Variants in FMO5 observed in about 807,000 individuals in gnomAD.
The protein encoded by FMO5 is flavin-containing monooxygenase 5.
A neutral mutation model predicts 43.6 loss-of-function variants in FMO5; 51 were observed. The ratio of observed to expected loss-of-function variants is 1.17; its 90% CI spans 0.93 to 1.48. The LOEUF (loss-of-function observed/expected upper bound fraction) is 1.48, where lower values mean the gene tolerates loss of function less well. Among genes scored for constraint, FMO5 ranks in the 40% most tolerant of loss-of-function variants. FMO5 has a pLI of 0.00. For synonymous variants in FMO5, 187 were observed against 216.5 expected (o/e 0.86, Z 1.20); for missense variants, 644 against 643.0 (o/e 1.00, Z -0.02).
In FMO5 at chr1:147,223,356, A is replaced by G. The variant is rs1191789932; in HGVS notation, c.135+1539T>C. ...GATTGTCACATAAAATTAGTCCCCA[A>G]AACAGAGTCAGGGTGCAAAAGGATT... On this transcript the variant is annotated intron_variant, in intron 2 of 8. Coordinates refer to ENST00000254090, the MANE Select transcript of FMO5 (RefSeq NM_001461.4). Among the ~76,000 whole-genome samples, 5 of 152,258 alleles carry G rather than the reference A, an allele frequency of 3.3e-5. 1 individual carries two copies. Among genetic ancestry groups the G allele is most frequent in the Admixed American group, 3.3e-4 (5 of 15,292 alleles).
Position 147,225,301 on chromosome 1 carries a change from C to G in FMO5, c.-52G>C. 1.6e-6 allele frequency: 1 copy of G among 643,466 alleles called. No individual in the cohort carries two copies. Among genetic ancestry groups the G allele is most frequent in the Non-Finnish European group, 2.4e-6 (1 of 425,324 alleles). The allele number at this position is 643,466 out of a possible 1,614,324, so 39.9% of individuals were successfully genotyped here. On this transcript the variant is annotated 5_prime_UTR_variant, in exon 1 of 9. Coordinates refer to ENST00000254090, the MANE Select transcript of FMO5 (RefSeq NM_001461.4). ...CCGGATCTCACCGCCTTTCCTGAAG[C>G]GCTCAACAGATCCTTCAGCTGCGAT...
At position 147,209,035 on chromosome 1, in the gene FMO5, C is replaced by A; in HGVS notation, c.647G>T (p.Arg216Met). The A allele has an allele frequency of 6.2e-7, 1 of 1,613,970 alleles. No homozygotes were observed. Among genetic ancestry groups the A allele is most frequent in the Non-Finnish European group, 8.5e-7 (1 of 1,179,916 alleles). ...QTAKQVFLSTRRGAWILNRVG... is the reference protein window; with the variant it reads ...QTAKQVFLSTMRGAWILNRVG... ...ACGATTCAGGATCCAAGCCCCTCTC[C>A]TGGTGCTGAGGAAAACCTGGGGCAT... Residue 216 changes from arginine (R) to methionine (M), a missense_variant, in exon 6 of 9, where the codon AGG (arginine) becomes ATG (methionine). Arg to Met is a moderately conservative substitution (Grantham distance 91, BLOSUM62 -1). Coordinates refer to ENST00000254090, the MANE Select transcript of FMO5 (RefSeq NM_001461.4).
At chr1:147,200,722 T>TA (rs1658825386) in intron 7 of FMO5, among the ~76,000 whole-genome samples, 2 of 152,136 alleles carry the variant, frequency 1.3e-5, no homozygotes, top group African/African-American at 4.8e-5. Context: ...TCGGCCGAAA[T>TA]AAAGTCATAC....
intron 6 of FMO5, chr1:147,203,244 C>G: frequency 8.4e-7 from 1 of 1,190,750 alleles, no homozygotes; most frequent in South Asian, 1.3e-5. Flanking sequence ...ACAAATACAG[C>G]CTTCACCTAC....
Position 147,190,159 on chromosome 1 carries a change from C to T in FMO5, c.1256+18G>A, listed in dbSNP as rs782737560. On this transcript the variant is annotated intron_variant, in intron 8 of 8. Transcript: ENST00000254090. ...AAGTAGAAATGTAACCATATATCTT[C>T]CTGGGAGAGTTTCTTACCTTTTGTC... The T allele has an allele frequency of 1.3e-6, 2 of 1,538,604 alleles. No individual in the cohort carries two copies. Among genetic ancestry groups the T allele is most frequent in the African/African-American group, 1.4e-5 (1 of 73,064 alleles).
chr1:147,189,258 G>A (rs1321730437), intron 8 of FMO5, among the ~76,000 whole-genome samples: 1 of 144,716 alleles, frequency 6.9e-6, no homozygotes, highest in Non-Finnish European at 1.5e-5. Context: ...GAGTGACAGA[G>A]TGAGACTCCG....
At chr1:147,194,737 T>C (rs1446036423) in intron 7 of FMO5, among the ~76,000 whole-genome samples, 1 of 151,866 alleles carries the variant, frequency 6.6e-6, no homozygotes, top group Admixed American at 6.6e-5. Context: ...TGCTTGTCTG[T>C]AAAGTATTTT....
intron 6 of FMO5, among the ~76,000 whole-genome samples, chr1:147,208,028 C>T (rs1274697063): frequency 1.3e-5 from 2 of 152,106 alleles, no homozygotes; most frequent in African/African-American, 4.8e-5. Context: ...TTGCATAGAC[C>T]TCCTCACTGT....
At chr1:147,204,147 C>T in intron 6 of FMO5, 2 of 1,077,604 alleles carry the variant, frequency 1.9e-6, no homozygotes, top group South Asian at 2.5e-5. Flanking sequence ...ATCAATTCTT[C>T]ATCAGTCTTT....
In FMO5 at chr1:147,187,688, G is replaced by T. The variant is rs190941683; in HGVS notation, c.1257-443C>A. Among the ~76,000 whole-genome samples, 3 of 152,304 alleles carry T rather than the reference G, an allele frequency of 2.0e-5. No homozygotes were observed. The East Asian group carries it at 5.8e-4, about 29-fold the overall frequency. Reference sequence around the variant, plus strand: ...AGTGGTGACAGGGTCCACAGGGCAGGACTTCCCAGGGCCAATGTTAATTTG... The same window carrying T: ...AGTGGTGACAGGGTCCACAGGGCAGTACTTCCCAGGGCCAATGTTAATTTG... On this transcript the variant is annotated intron_variant, in intron 8 of 8. Transcript: ENST00000254090.
At position 147,192,832 on chromosome 1, in the gene FMO5, T is replaced by C. The variant is rs182385254; in HGVS notation, c.1184-2583A>G. Among the ~76,000 whole-genome samples, 237 of 152,314 alleles carry C rather than the reference T, an allele frequency of 1.6e-3. 1 individual carries two copies. The highest frequency in any genetic ancestry group is 5.1e-3 in the African/African-American group (210 of 41,542). On this transcript the variant is annotated intron_variant, in intron 7 of 8. Coordinates refer to ENST00000254090, the MANE Select transcript of FMO5 (RefSeq NM_001461.4). ...ATTACATTTATTGATTTGTGTATGT[T>C]GAACCAGCCTTGCATCCCAGGGATG...
At chr1:147,213,167 A>T in intron 4 of FMO5, 141 bp downstream of exon 4, 1 of 711,194 alleles carries the variant, frequency 1.4e-6, no homozygotes. Context: ...TTACCCCAAC[A>T]TCCTTCTGGG....
intron 2 of FMO5, among the ~76,000 whole-genome samples, chr1:147,222,930 C>A (rs1273976771): frequency 6.6e-6 from 1 of 152,146 alleles, no homozygotes; most frequent in African/African-American, 2.4e-5. Flanking sequence ...GTAAAGACAC[C>A]ACATGTGTGA....
In FMO5 at chr1:147,202,309, G is replaced by GTCTTT. The variant is rs1659115947; in HGVS notation, c.831-806_831-805insAAAGA. 3.4e-5 allele frequency among the ~76,000 whole-genome samples: 4 copies of GTCTTT among 118,436 alleles called. 1 individual carries two copies. Among genetic ancestry groups the GTCTTT allele is most frequent in the South Asian group, 5.2e-4 (2 of 3,862 alleles). The allele number at this position is 118,436 out of a possible 152,430, so 77.7% of individuals were successfully genotyped here. On this transcript the variant is annotated intron_variant, in intron 6 of 8. Transcript: ENST00000254090. The stretch of plus-strand genomic sequence containing the variant: ...GTATCGTGGAGCTTTCTAAAAAGCA[G>GTCTTT]TTCTTTTTTTTTTTTTTTTTTTTTT...
chr1:147,187,824 CT>C (rs1655898756), intron 8 of FMO5, among the ~76,000 whole-genome samples: 1 of 152,078 alleles, frequency 6.6e-6, no homozygotes, highest in South Asian at 2.1e-4. Flanking sequence ...TTTAAAAGGG[CT>C]TTTTAAAGGG....
At chr1:147,213,602 C>A in intron 3 of FMO5, 132 bp from the exon 4 acceptor site, 1 of 727,398 alleles carries the variant, frequency 1.4e-6, no homozygotes, top group South Asian at 3.3e-5. Context: ...TTTTCATACT[C>A]CACAAATAAG....
At chr1:147,195,805 C>G (rs1450184870) in intron 7 of FMO5, among the ~76,000 whole-genome samples, 1 of 152,120 alleles carries the variant, frequency 6.6e-6, no homozygotes, top group Non-Finnish European at 1.5e-5. Flanking sequence ...TTACCTGATA[C>G]AAGCATTCTT....
intron 2 of FMO5, among the ~76,000 whole-genome samples, chr1:147,217,350 C>T (rs1024257643): frequency 2.6e-5 from 4 of 152,010 alleles, no homozygotes; most frequent in Non-Finnish European, 4.4e-5. Context: ...AGCCTGTCAC[C>T]GAGATTTCAC....
chr1:147,204,151 AGT>A (rs1659543343), intron 6 of FMO5: 1 of 1,082,254 alleles, frequency 9.2e-7, no homozygotes, highest in Non-Finnish European at 1.4e-6. Flanking sequence ...ATTCTTCATC[AGT>A]CTTTATCAAC....
Sources: allele counts gnomAD v4.1 joint callset (sites outside exome capture counted in the v4.1 genomes callset), GRCh38; gene constraint gnomAD v4.1.1; transcripts MANE v1.5; gene names NCBI Gene and HGNC (gene_info 2026-07-23, HGNC 2026-07-21).